The following SESN1 variants were observed in gnomAD, a reference collection of about 807,000 sequenced individuals.
The protein encoded by SESN1 is sestrin-1.
A neutral mutation model predicts 59.3 loss-of-function variants in SESN1; 30 were observed. The observed-to-expected ratio is 0.51, with a 90% CI of 0.38 to 0.69. The LOEUF (loss-of-function observed/expected upper bound fraction) is 0.69, where lower values mean the gene tolerates loss of function less well. SESN1 is among the 30% of genes least tolerant of loss of function. The pLI is 0.00. For synonymous variants in SESN1, 197 were observed against 219.9 expected, an observed-to-expected ratio of 0.90 and a Z score of 0.92; for missense variants, 566 against 673.0, an observed-to-expected ratio of 0.84 and a Z score of 1.76.
At chr6:109,054,386 C>T (rs1350305488) in intron 1 of SESN1, among the ~76,000 whole-genome samples, 1 of 152,002 alleles carries the variant, frequency 6.6e-6, no homozygotes, top group Non-Finnish European at 1.5e-5. Flanking sequence ...TATTTTTATA[C>T]TCGATTTTTT....
rs537489432 is a variant in SESN1, at chr6:109,056,185, T to C, written c.279+37610A>G. Among the ~76,000 whole-genome samples the C allele has an allele frequency of 1.3e-4, 20 of 152,294 alleles. No homozygotes were observed. The South Asian group carries it at 1.9e-3, about 14-fold the overall frequency. The stretch of plus-strand genomic sequence containing the variant: ...ACTTTGGGAGGCCAAGGCAGGAAGA[T>C]TGCTTAAGCCCAGGAGTTTGAGACC... On this transcript the variant is annotated intron_variant, in intron 1 of 9. Coordinates refer to ENST00000436639, the MANE Select transcript of SESN1 (RefSeq NM_014454.3).
intron 1 of SESN1, among the ~76,000 whole-genome samples, chr6:109,062,026 G>A (rs961399708): frequency 2.0e-5 from 3 of 152,104 alleles, no homozygotes; most frequent in Admixed American, 6.5e-5. Flanking sequence ...GGAAGCCCTA[G>A]AAGGCTTTCT....
rs892709493 is a variant in SESN1, at chr6:108,985,123, A to G, written c.*2421T>C. On this transcript the variant is annotated 3_prime_UTR_variant, in exon 10 of 10. Transcript: ENST00000436639. ...TCTGATTCATGTATGATATTCACAT[A>G]TATGAATATGCTAATAAAATTTCAG... Among the ~76,000 whole-genome samples, 3 of 152,194 alleles carry G rather than the reference A, an allele frequency of 2.0e-5. No homozygotes were observed. The highest frequency in any genetic ancestry group is 7.2e-5 in the African/African-American group (3 of 41,410).
chr6:109,000,352 A>G (rs1248946025), intron 4 of SESN1, 139 bp downstream of exon 4: 1 of 546,510 alleles, frequency 1.8e-6, no homozygotes, highest in African/African-American at 1.9e-5. Flanking sequence ...GTAACAGAAG[A>G]AAATGTGCAT....
intron 1 of SESN1, among the ~76,000 whole-genome samples, chr6:109,091,198 CA>C (rs1391056368): frequency 6.6e-6 from 1 of 152,188 alleles, no homozygotes; most frequent in African/African-American, 2.4e-5. Context: ...TTTAGATACA[CA>C]AATACTTACC....
chr6:108,999,566 A>G (rs1263381493), intron 4 of SESN1, among the ~76,000 whole-genome samples: 1 of 152,188 alleles, frequency 6.6e-6, no homozygotes, highest in Non-Finnish European at 1.5e-5. Flanking sequence ...ATAAAGATGC[A>G]TAACAATGAG....
chr6:109,058,842 T>C (rs895159606), intron 1 of SESN1, among the ~76,000 whole-genome samples: 1 of 151,842 alleles, frequency 6.6e-6, no homozygotes, highest in African/African-American at 2.4e-5. Context: ...TCAGCAATTC[T>C]TGGCAAATAC....
At chr6:109,008,885 TC>T in intron 1 of SESN1, 1 of 986,346 alleles carries the variant, frequency 1.0e-6, no homozygotes, top group Non-Finnish European at 1.2e-6. Context: ...GTGTTTTTTT[TC>T]TTTCTCTCTC....
At chr6:109,055,255 C>T (rs888094210) in intron 1 of SESN1, among the ~76,000 whole-genome samples, 10 of 152,096 alleles carry the variant, frequency 6.6e-5, no homozygotes, top group African/African-American at 2.4e-4. Context: ...CCTTCACTTT[C>T]CTCTCCAATC....
chr6:109,051,144 T>G (rs1780534220), intron 1 of SESN1, among the ~76,000 whole-genome samples: 1 of 149,816 alleles, frequency 6.7e-6, no homozygotes. Flanking sequence ...GGAAATCTCT[T>G]AAAAACAAAA....
At chr6:109,076,673 TC>T (rs1781037220) in intron 1 of SESN1, among the ~76,000 whole-genome samples, 1 of 152,142 alleles carries the variant, frequency 6.6e-6, no homozygotes, top group East Asian at 1.9e-4. Flanking sequence ...ATTAATTACT[TC>T]CAGCCAGTCA....
chr6:109,083,122 T>A (rs1396531899), intron 1 of SESN1, among the ~76,000 whole-genome samples: 2 of 152,180 alleles, frequency 1.3e-5, no homozygotes, highest in African/African-American at 4.8e-5. Flanking sequence ...ACCAATGTCA[T>A]CTCTTAATTT....
At chr6:109,037,461 A>G (rs1397383526) in intron 1 of SESN1, among the ~76,000 whole-genome samples, 1 of 152,172 alleles carries the variant, frequency 6.6e-6, no homozygotes, top group Non-Finnish European at 1.5e-5. Context: ...ATACACCAAG[A>G]TGTTAAAATT....
At chr6:109,057,630 A>C (rs1478822161) in intron 1 of SESN1, among the ~76,000 whole-genome samples, 3 of 152,230 alleles carry the variant, frequency 2.0e-5, no homozygotes, top group Non-Finnish European at 4.4e-5. Flanking sequence ...CCAGTTGTTC[A>C]TTTAATGATC....
At chr6:109,005,684 G>C (rs1317975481) in intron 1 of SESN1, among the ~76,000 whole-genome samples, 1 of 151,944 alleles carries the variant, frequency 6.6e-6, no homozygotes. Context: ...AAATTTAGTG[G>C]GCATATTAAT....
chr6:109,085,111 CA>C (rs1356283575), intron 1 of SESN1, among the ~76,000 whole-genome samples: 7 of 147,436 alleles, frequency 4.7e-5, no homozygotes, highest in African/African-American at 1.8e-4. Context: ...ACTGGCTTAT[CA>C]GTGTAGCAAC....
At chr6:108,994,677 C>T in intron 5 of SESN1, 68 bp from the exon 6 acceptor site, 18 of 807,324 alleles carry the variant, frequency 2.2e-5, no homozygotes, top group South Asian at 4.0e-5. Flanking sequence ...TCTTTTAAGT[C>T]TGTCTCATAA....
rs141503622 is a variant in SESN1 at position 109,004,011 on chromosome 6, G to A, written c.280-1668C>T. Among the ~76,000 whole-genome samples the A allele has an allele frequency of 8.7e-3, 1,328 of 152,202 alleles. 24 individuals carry two copies. The highest frequency in any genetic ancestry group is 0.03 in the African/African-American group (1,260 of 41,536). On this transcript the variant is annotated intron_variant, in intron 1 of 9. Coordinates refer to ENST00000436639, the MANE Select transcript of SESN1 (RefSeq NM_014454.3). ...TATAACTAAGAGACTTGGGACTTTA[G>A]TATACGAAAAGGTGTCATTTCAAAT... is the stretch of plus-strand genomic sequence containing the variant.
chr6:109,025,851 T>A (rs1483060909), intron 1 of SESN1, among the ~76,000 whole-genome samples: 2 of 151,542 alleles, frequency 1.3e-5, no homozygotes, highest in African/African-American at 4.8e-5. Context: ...GTCTAATACA[T>A]ATATAATTGG....
Sources: gnomAD v4.1 joint callset for allele counts (sites outside exome capture counted in the v4.1 genomes callset) on GRCh38, gnomAD v4.1.1 for gene constraint, MANE v1.5 for transcripts, NCBI Gene and HGNC (gene_info 2026-07-23, HGNC 2026-07-21) for gene names.